Variants in LIPG observed in about 807,000 individuals in gnomAD.
The protein encoded by LIPG is lipase G, endothelial type, also known as endothelial lipase.
LIPG carries 34 observed loss-of-function variants against 51.8 expected under a neutral mutation model. That is an observed-to-expected ratio of 0.66 (90% confidence interval 0.50 to 0.87). The LOEUF (loss-of-function observed/expected upper bound fraction) is 0.87, where lower values mean the gene tolerates loss of function less well. LIPG is among the 40% of genes least tolerant of loss of function. The pLI, the probability that LIPG is intolerant of heterozygous loss-of-function variation, is 0.00. For synonymous variants in LIPG, 246 were observed against 246.1 expected (o/e 1.00, Z 0.00); for missense variants, 580 against 652.7 (o/e 0.89, Z 1.21).
In LIPG at chr18:49,590,615, A is replaced by T; in HGVS notation, c.*93A>T. The T allele has an allele frequency of 7.7e-7, 1 of 1,295,820 alleles. No individual in the cohort carries two copies. Among genetic ancestry groups the T allele is most frequent in the Admixed American group, 2.0e-5 (1 of 50,810 alleles). 80.3% of individuals were successfully genotyped at this position (1,295,820 alleles called of 1,614,324 possible). ...TTACTGCTGAGGACCCACCCAATGG[A>T]AGGATTCTTCTCAGCCTTGACCCTG... is the stretch of plus-strand genomic sequence containing the variant. On this transcript the variant is annotated 3_prime_UTR_variant, in exon 10 of 10. Coordinates refer to ENST00000261292, the MANE Select transcript of LIPG (RefSeq NM_006033.4).
intron 7 of LIPG, among the ~76,000 whole-genome samples, 166 bp downstream of exon 7, chr18:49,582,648 A>G (rs2276270): frequency 0.042 from 6,448 of 152,320 alleles, 434 homozygotes; most frequent in African/African-American, 0.14. Flanking sequence ...CCTCTCTCCC[A>G]CTGCACCTTC....
intron 2 of LIPG, among the ~76,000 whole-genome samples, chr18:49,566,273 T>C (rs933911826): frequency 1.3e-5 from 2 of 152,194 alleles, no homozygotes; most frequent in Non-Finnish European, 2.9e-5. Context: ...GCCTACCTAG[T>C]TGAATGAAGA....
rs770424600 is a variant in LIPG, at chr18:49,575,368, G to A, written c.572-1G>A. ...TGTTTTGGGGCCTCCTTCTGCTGCA[G>A]GTTTGGATCCTGCCGGGCCCATGTT... On this transcript the variant is annotated splice_acceptor_variant, in intron 4 of 9. Transcript: ENST00000261292. LOFTEE classifies it high-confidence loss of function. 2 of 1,612,198 alleles carry A rather than the reference G, an allele frequency of 1.2e-6. No homozygotes were observed. The highest frequency in any genetic ancestry group is 1.1e-5 in the South Asian group (1 of 91,004).
intron 4 of LIPG, among the ~76,000 whole-genome samples, chr18:49,572,650 G>C (rs2148849715): frequency 6.6e-6 from 1 of 151,038 alleles, no homozygotes; most frequent in South Asian, 2.1e-4. Context: ...AGAATCACCT[G>C]AGCCCAGGAG....
intron 4 of LIPG, among the ~76,000 whole-genome samples, chr18:49,570,856 G>C (rs572319372): frequency 1.3e-5 from 2 of 152,148 alleles, no homozygotes; most frequent in Non-Finnish European, 2.9e-5. Context: ...TCAGGTAGAA[G>C]AGAGTCCTTA....
intron 9 of LIPG, among the ~76,000 whole-genome samples, chr18:49,588,911 G>A (rs1039552658): frequency 6.6e-6 from 1 of 152,152 alleles, no homozygotes; most frequent in African/African-American, 2.4e-5. Flanking sequence ...CTTGGGCCCA[G>A]CCTGCACCCA....
upstream of LIPG, chr18:49,562,026 C>CT: frequency 4.9e-6 from 7 of 1,429,416 alleles, no homozygotes; most frequent in Non-Finnish European, 6.4e-6. Context: ...GACTCCCATA[C>CT]TTTTAAAAAC....
At chr18:49,565,805 C>T (rs2084599898) in intron 2 of LIPG, among the ~76,000 whole-genome samples, 1 of 152,222 alleles carries the variant, frequency 6.6e-6, no homozygotes, top group Admixed American at 6.5e-5. Flanking sequence ...CGCTGGTCAA[C>T]CACTGCCTGG....
intron 5 of LIPG, 142 bp from the exon 6 acceptor site, chr18:49,581,273 T>C (rs2084815638): frequency 3.1e-6 from 4 of 1,305,808 alleles, no homozygotes; most frequent in African/African-American, 1.5e-5. Flanking sequence ...TCAACACAAA[T>C]AAACAAGCAA....
intron 8 of LIPG, among the ~76,000 whole-genome samples, chr18:49,584,941 T>C (rs955827828): frequency 6.6e-6 from 1 of 152,258 alleles, no homozygotes. Context: ...ACATTATAGA[T>C]ACAGTTGAAG....
chr18:49,563,563 T>C (rs1568525035), intron 1 of LIPG, among the ~76,000 whole-genome samples: 1 of 151,996 alleles, frequency 6.6e-6, no homozygotes, highest in East Asian at 1.9e-4. Flanking sequence ...GACAGTGCAC[T>C]GATTAAAGTA....
intron 8 of LIPG, among the ~76,000 whole-genome samples, chr18:49,585,860 G>A (rs2084874643): frequency 6.6e-6 from 1 of 152,166 alleles, no homozygotes; most frequent in South Asian, 2.1e-4. Context: ...AGGTGTGAAT[G>A]GGCCCCCTGC....
chr18:49,562,009 G>A, upstream of LIPG: 1 of 1,419,366 alleles, frequency 7.0e-7, no homozygotes, highest in Non-Finnish European at 9.2e-7. Flanking sequence ...CTGGCGATGG[G>A]TCAGATGACT....
intron 9 of LIPG, among the ~76,000 whole-genome samples, chr18:49,588,838 G>T (rs569507944): frequency 2.0e-5 from 3 of 152,034 alleles, no homozygotes; most frequent in Non-Finnish European, 4.4e-5. Flanking sequence ...CATGCCTGTC[G>T]CCACCCTTTG....
chr18:49,571,069 G>C (rs1176251993), intron 4 of LIPG, among the ~76,000 whole-genome samples: 4 of 152,180 alleles, frequency 2.6e-5, no homozygotes, highest in Non-Finnish European at 5.9e-5. Context: ...ATCCCAGCTT[G>C]AGAGCTTTAT....
Position 49,581,587 on chromosome 18 carries a change from T to C in LIPG, c.966T>C (p.Asn322=), listed in dbSNP as rs965047176. Residue 322 remains asparagine, a synonymous_variant, in exon 6 of 10, where the codon AAT becomes AAC. Coordinates refer to ENST00000261292, the MANE Select transcript of LIPG (RefSeq NM_006033.4). ...ACCGTTGTAATAGCATTGGCTACAA[T>C]GCCAAGAAAATGAGGAACAAGAGGA... The part of the protein sequence containing the change: ...RKNRCNSIGY[N]AKKMRNKRNS... The C allele has an allele frequency of 3.1e-6, 5 of 1,614,016 alleles. No individual in the cohort carries two copies. In the African/African-American group the frequency reaches 6.7e-5, roughly 22 times the overall value.
chr18:49,590,173 T>TG (rs2084925409), intron 9 of LIPG: 12 of 371,852 alleles, frequency 3.2e-5, no homozygotes, highest in Non-Finnish European at 6.1e-5. Flanking sequence ...GTGTCCATGA[T>TG]TGTGTGTGTG....
chr18:49,581,370 C>T, intron 5 of LIPG, 45 bp from the exon 6 acceptor site: 1 of 1,613,354 alleles, frequency 6.2e-7, no homozygotes, highest in Non-Finnish European at 8.5e-7. Flanking sequence ...GTCTAATCAT[C>T]AAGAAGGGCT....
At position 49,593,544 on chromosome 18, in the gene LIPG, A is replaced by G. The variant is rs1384380898; in HGVS notation, c.*3022A>G. The G allele has an allele frequency of 2.6e-5, 4 of 151,228 alleles. No homozygotes were observed. Among genetic ancestry groups the G allele is most frequent in the African/African-American group, 7.3e-5 (3 of 41,056 alleles). The allele number at this position is 151,228 out of a possible 1,614,324, so 9.4% of individuals were successfully genotyped here. On this transcript the variant is annotated 3_prime_UTR_variant, in exon 10 of 10. Transcript: ENST00000261292. ...ACTAGATATCAGTGACTTAGACCAG[A>G]GGGAAGCTGATTTCTCTATTGGTTA...
Sources: gnomAD v4.1 joint callset for allele counts (sites outside exome capture counted in the v4.1 genomes callset) on GRCh38, gnomAD v4.1.1 for gene constraint, MANE v1.5 for transcripts, NCBI Gene and HGNC (gene_info 2026-07-23, HGNC 2026-07-21) for gene names.